GALNT13: variants seen among roughly 807,000 people sequenced by gnomAD.
GALNT13 encodes the protein polypeptide N-acetylgalactosaminyltransferase 13.
GALNT13 carries 28 observed loss-of-function variants against 64.2 expected under a neutral mutation model. That is an observed-to-expected ratio of 0.44 (90% confidence interval 0.32 to 0.60). The LOEUF (loss-of-function observed/expected upper bound fraction) is 0.60, where lower values mean the gene tolerates loss of function less well. Among genes scored for constraint, GALNT13 ranks in the 20% least tolerant of loss-of-function variants. The pLI, the probability that GALNT13 is intolerant of heterozygous loss-of-function variation, is 0.05. For synonymous variants in GALNT13, 214 were observed against 224.6 expected (o/e 0.95, Z 0.42); for missense variants, 577 against 669.8 (o/e 0.86, Z 1.53).
chr2:153,537,847 A>C, the GALNT13 span, among the ~76,000 whole-genome samples: 11 of 152,232 alleles, frequency 7.2e-5, no homozygotes, highest in Non-Finnish European at 1.5e-4. Flanking sequence ...AGGCCTCCTC[A>C]GCCCTGCTGA....
chr2:154,444,126 G>A (rs116336477), intron 12 of GALNT13, among the ~76,000 whole-genome samples: 1 of 152,010 alleles, frequency 6.6e-6, no homozygotes, highest in Non-Finnish European at 1.5e-5. Context: ...GATTGCTAGA[G>A]CCCAAGAGTT....
chr2:154,362,200 A>G (rs1415048654), intron 9 of GALNT13, among the ~76,000 whole-genome samples: 1 of 152,004 alleles, frequency 6.6e-6, no homozygotes, highest in Non-Finnish European at 1.5e-5. Flanking sequence ...CTATTCTAAC[A>G]CATATTTTCA....
chr2:154,356,014 A>C (rs1574148790), intron 9 of GALNT13, among the ~76,000 whole-genome samples: 1 of 151,990 alleles, frequency 6.6e-6, no homozygotes, highest in East Asian at 1.9e-4. Context: ...AATGGTTTCA[A>C]ACACCTCGAT....
chr2:153,814,449 A>ATAAGTAAGTAAGTAAGTAAGTAAG, the GALNT13 span, among the ~76,000 whole-genome samples: 1 of 148,306 alleles, frequency 6.7e-6, no homozygotes, highest in African/African-American at 2.5e-5. Flanking sequence ...CAATAAATAA[A>ATAAGTAAGTAAGTAAGTAAGTAAG]TAAGTAAGTA....
the GALNT13 span, among the ~76,000 whole-genome samples, chr2:153,122,928 G>C: frequency 6.6e-6 from 1 of 152,066 alleles, no homozygotes; most frequent in Admixed American, 6.6e-5. Flanking sequence ...TACTAGATTA[G>C]AGTGGGCCCT....
chr2:153,323,386 T>G, the GALNT13 span, among the ~76,000 whole-genome samples: 1 of 152,202 alleles, frequency 6.6e-6, no homozygotes, highest in Non-Finnish European at 1.5e-5. Context: ...ATTCCAAATA[T>G]TAGCCCTTTG....
chr2:153,711,860 T>C, the GALNT13 span, among the ~76,000 whole-genome samples: 1 of 152,158 alleles, frequency 6.6e-6, no homozygotes, highest in East Asian at 1.9e-4. Flanking sequence ...ATCACCTTTA[T>C]TCACATTTTA....
At chr2:153,721,459 C>A in the GALNT13 span, among the ~76,000 whole-genome samples, 1 of 149,200 alleles carries the variant, frequency 6.7e-6, no homozygotes, top group Non-Finnish European at 1.5e-5. Context: ...TCACACATAA[C>A]AATATTAACT....
At chr2:154,252,259 G>A (rs1690107797) in intron 7 of GALNT13, among the ~76,000 whole-genome samples, 1 of 151,844 alleles carries the variant, frequency 6.6e-6, no homozygotes, top group Non-Finnish European at 1.5e-5. Flanking sequence ...AATTGTTTAT[G>A]AAGGGCAGTC....
the GALNT13 span, among the ~76,000 whole-genome samples, chr2:153,214,035 A>G: frequency 2.0e-4 from 30 of 152,332 alleles, no homozygotes; most frequent in Non-Finnish European, 3.7e-4. Context: ...AGAGAAGGCC[A>G]CTATATCTTA....
the GALNT13 span, among the ~76,000 whole-genome samples, chr2:153,267,870 C>T: frequency 1.3e-5 from 2 of 152,174 alleles, no homozygotes; most frequent in South Asian, 4.1e-4. Flanking sequence ...CTTTTTAAAA[C>T]AAGAGTTCCA....
intron 4 of GALNT13, chr2:154,236,163 C>A: frequency 9.1e-7 from 1 of 1,101,162 alleles, no homozygotes. Context: ...TGTCTTCTTG[C>A]TTTTATATGA....
the GALNT13 span, among the ~76,000 whole-genome samples, chr2:153,354,038 G>C: frequency 6.6e-6 from 1 of 152,104 alleles, no homozygotes; most frequent in African/African-American, 2.4e-5. Context: ...GGTACTTTCT[G>C]TTTTGGAAGG....
At chr2:153,471,963 C>T in the GALNT13 span, among the ~76,000 whole-genome samples, 2 of 152,154 alleles carry the variant, frequency 1.3e-5, no homozygotes, top group South Asian at 4.1e-4. Flanking sequence ...GTAGAATAAA[C>T]ATGTTTCATG....
At chr2:154,250,920 A>G (rs1690035706) in intron 7 of GALNT13, among the ~76,000 whole-genome samples, 1 of 152,136 alleles carries the variant, frequency 6.6e-6, no homozygotes, top group African/African-American at 2.4e-5. Flanking sequence ...ACTGAAAGAA[A>G]TAACTAACTT....
At chr2:153,873,352 C>A (rs995220507) in intron 1 of GALNT13, among the ~76,000 whole-genome samples, 3 of 152,252 alleles carry the variant, frequency 2.0e-5, no homozygotes, top group Non-Finnish European at 4.4e-5. Context: ...CCTGAGCGCA[C>A]TGAGGCTGCT....
the GALNT13 span, among the ~76,000 whole-genome samples, chr2:153,235,439 G>T: frequency 1.3e-5 from 2 of 152,112 alleles, no homozygotes; most frequent in African/African-American, 4.8e-5. Flanking sequence ...GATTCTTCAT[G>T]AAGGGGTGGG....
the GALNT13 span, among the ~76,000 whole-genome samples, chr2:153,740,120 A>G: frequency 6.6e-6 from 1 of 151,982 alleles, no homozygotes; most frequent in East Asian, 1.9e-4. Flanking sequence ...GAGTTCTTCA[A>G]GCTTTCTGAA....
At chr2:153,829,854 A>C in the GALNT13 span, among the ~76,000 whole-genome samples, 88 of 152,288 alleles carry the variant, frequency 5.8e-4, no homozygotes, top group African/African-American at 2.1e-3. Flanking sequence ...TTTAGAAGAG[A>C]CTTAATTCCT....
Sources: gnomAD v4.1 joint callset for allele counts (sites outside exome capture counted in the v4.1 genomes callset) on GRCh38, gnomAD v4.1.1 for gene constraint, MANE v1.5 for transcripts, NCBI Gene and HGNC (gene_info 2026-07-23, HGNC 2026-07-21) for gene names.